RIMS2: variants seen among roughly 807,000 people sequenced by gnomAD.
The protein encoded by RIMS2 is regulating synaptic membrane exocytosis 2, also known as regulating synaptic membrane exocytosis protein 2.
In RIMS2, 59 loss-of-function variants were observed where a neutral mutation model predicts 174.4. That is an observed-to-expected ratio of 0.34 (90% CI 0.27 to 0.42). The LOEUF is 0.42. RIMS2 is among the 10% of genes least tolerant of loss of function. The probability of loss-of-function intolerance (pLI) is 1.00; values close to 1 mark genes in which losing one functional copy is unlikely to be tolerated. For missense variants in RIMS2, 1,620 were observed against 1,666.3 expected (o/e 0.97, Z 0.48); for synonymous variants, 606 against 572.5 (o/e 1.06, Z -0.84).
At chr8:103,783,799 G>A (rs1008652019) in intron 3 of RIMS2, among the ~76,000 whole-genome samples, 20 of 150,234 alleles carry the variant, frequency 1.3e-4, no homozygotes, top group Non-Finnish European at 8.9e-5. Flanking sequence ...GGGATGGCTG[G>A]GTCAAATGGT....
At chr8:103,662,574 A>G (rs2096615183) in intron 1 of RIMS2, among the ~76,000 whole-genome samples, 1 of 152,190 alleles carries the variant, frequency 6.6e-6, no homozygotes, top group African/African-American at 2.4e-5. Flanking sequence ...TCTTCTATTT[A>G]TCACCATATT....
chr8:103,931,141 TAAGTA>T, intron 11 of RIMS2, 117 bp from the exon 14 acceptor site: 1 of 638,570 alleles, frequency 1.6e-6, no homozygotes, highest in South Asian at 2.1e-5. Context: ...CACAATTTAC[TAAGTA>T]AAGTTTATAT....
intron 3 of RIMS2, among the ~76,000 whole-genome samples, chr8:103,872,238 T>G (rs1223197057): frequency 1.3e-5 from 2 of 152,212 alleles, no homozygotes; most frequent in African/African-American, 4.8e-5. Flanking sequence ...ATGACTTGTG[T>G]TGTACTGTTC....
chr8:103,816,555 G>A (rs954794614), intron 3 of RIMS2, among the ~76,000 whole-genome samples: 6 of 152,130 alleles, frequency 3.9e-5, no homozygotes, highest in Non-Finnish European at 5.9e-5. Context: ...AGGGTATAAT[G>A]AGAATGTATA....
At chr8:104,066,394 ATG>A (rs34655484) in intron 19 of RIMS2, among the ~76,000 whole-genome samples, 59,894 of 151,618 alleles carry the variant, frequency 0.4, 12,092 homozygotes, top group Non-Finnish European at 0.42. Context: ...ATATCTATAT[ATG>A]TGTGTGTGTG....
At chr8:104,151,002 C>T (rs1308813954) in intron 19 of RIMS2, among the ~76,000 whole-genome samples, 3 of 152,028 alleles carry the variant, frequency 2.0e-5, no homozygotes, top group Admixed American at 1.3e-4. Flanking sequence ...AAACTTAAGT[C>T]CATACCTGGA....
intron 1 of RIMS2, among the ~76,000 whole-genome samples, chr8:103,597,394 G>T (rs924813655): frequency 6.6e-6 from 1 of 151,996 alleles, no homozygotes; most frequent in Admixed American, 6.6e-5. Flanking sequence ...GTTTCCTCTT[G>T]TGTCCCTGTT....
At chr8:103,524,823 T>C (rs554976306) in intron 1 of RIMS2, among the ~76,000 whole-genome samples, 11 of 152,374 alleles carry the variant, frequency 7.2e-5, no homozygotes, top group Admixed American at 2.6e-4. Flanking sequence ...ATTGTAGTTA[T>C]CTGGTGCTGC....
At chr8:104,008,710 A>G (rs997658274) in intron 17 of RIMS2, among the ~76,000 whole-genome samples, 5 of 151,900 alleles carry the variant, frequency 3.3e-5, no homozygotes, top group South Asian at 4.2e-4. Flanking sequence ...TTCTACGTGA[A>G]TGGTGTCTTG....
intron 17 of RIMS2, among the ~76,000 whole-genome samples, chr8:104,002,647 C>T (rs1362068213): frequency 1.3e-5 from 2 of 152,044 alleles, no homozygotes; most frequent in Non-Finnish European, 1.5e-5. Context: ...TTCAGTTGGG[C>T]CATAGTTTGG....
chr8:104,114,418 C>T (rs2098246267), intron 19 of RIMS2, among the ~76,000 whole-genome samples: 1 of 151,852 alleles, frequency 6.6e-6, no homozygotes, highest in Non-Finnish European at 1.5e-5. Context: ...AATTTAAAAA[C>T]ATTGTCAGTT....
At chr8:103,773,818 T>TA (rs1378771993) in intron 3 of RIMS2, among the ~76,000 whole-genome samples, 1 of 152,168 alleles carries the variant, frequency 6.6e-6, no homozygotes, top group Non-Finnish European at 1.5e-5. Flanking sequence ...TGACAACACT[T>TA]ACCTTTTGTG....
At chr8:103,600,368 C>T (rs765257657) in intron 1 of RIMS2, among the ~76,000 whole-genome samples, 19 of 152,198 alleles carry the variant, frequency 1.2e-4, no homozygotes, top group Admixed American at 2.6e-4. Flanking sequence ...CTCCTGGGTT[C>T]GAGCAATTAT....
At chr8:104,059,052 G>A (rs1262236534) in intron 19 of RIMS2, among the ~76,000 whole-genome samples, 1 of 151,252 alleles carries the variant, frequency 6.6e-6, no homozygotes. Flanking sequence ...GGTGATGTGG[G>A]CTCTTTTTTG....
intron 16 of RIMS2, chr8:103,977,179 A>T (rs1343276699): frequency 1.3e-5 from 2 of 152,230 alleles, no homozygotes; most frequent in African/African-American, 4.8e-5. Flanking sequence ...GATATAAGAC[A>T]CTAAAATAAG....
chr8:104,014,601 G>A, exon 19 of RIMS2: 1 of 1,608,402 alleles, frequency 6.2e-7, no homozygotes, highest in Non-Finnish European at 8.5e-7. Flanking sequence ...CCACCAAAGG[G>A]AACGTTGGAT....
chr8:104,053,735 A>G (rs2096826075), intron 19 of RIMS2, among the ~76,000 whole-genome samples: 1 of 152,172 alleles, frequency 6.6e-6, no homozygotes, highest in Non-Finnish European at 1.5e-5. Flanking sequence ...TACCCAAGCC[A>G]TTTGAAGCTG....
intron 1 of RIMS2, among the ~76,000 whole-genome samples, chr8:103,600,328 G>A (rs1408547768): frequency 4.6e-5 from 7 of 151,942 alleles, no homozygotes; most frequent in Admixed American, 4.6e-4. Flanking sequence ...GGAGTGCAGT[G>A]GTGCAATCTT....
intron 3 of RIMS2, among the ~76,000 whole-genome samples, chr8:103,840,024 A>G (rs1430440778): frequency 6.6e-6 from 1 of 152,182 alleles, no homozygotes; most frequent in East Asian, 1.9e-4. Flanking sequence ...CCAGGTGGAA[A>G]GCTAATGTGA....
Sources: gnomAD v4.1 joint callset for allele counts (sites outside exome capture counted in the v4.1 genomes callset) on GRCh38, gnomAD v4.1.1 for gene constraint, MANE v1.5 for transcripts, NCBI Gene and HGNC (gene_info 2026-07-23, HGNC 2026-07-21) for gene names.